The following SGCD variants were observed in gnomAD, a reference collection of about 807,000 sequenced individuals.
SGCD encodes the protein delta-sarcoglycan.
A neutral mutation model predicts 36.6 loss-of-function variants in SGCD; 18 were observed. That is an observed-to-expected ratio of 0.49 (90% CI 0.34 to 0.73). The LOEUF is 0.73. Among genes scored for constraint, SGCD ranks in the 30% least tolerant of loss-of-function variants. SGCD has a pLI of 0.01. For missense variants in SGCD, 387 were observed against 346.7 expected (o/e 1.12, Z -0.92); for synonymous variants, 133 against 130.6 (o/e 1.02, Z -0.12).
intron 3 of SGCD, among the ~76,000 whole-genome samples, chr5:156,183,932 A>G (rs1763669243): frequency 6.6e-6 from 1 of 152,196 alleles, no homozygotes; most frequent in South Asian, 2.1e-4. Context: ...AACAGCAAAT[A>G]CAGATGTACC....
At chr5:156,020,273 A>G (rs1279660432) in intron 1 of SGCD, among the ~76,000 whole-genome samples, 1 of 152,196 alleles carries the variant, frequency 6.6e-6, no homozygotes, top group Non-Finnish European at 1.5e-5. Flanking sequence ...TTGTATTTAA[A>G]TGTTTTTATT....
chr5:156,717,045 T>C (rs1018062283), intron 7 of SGCD, among the ~76,000 whole-genome samples: 1 of 152,244 alleles, frequency 6.6e-6, no homozygotes, highest in Non-Finnish European at 1.5e-5. Flanking sequence ...TCTCCTCATG[T>C]GTGAAATTAA....
chr5:156,584,832 A>G (rs1760426692), intron 4 of SGCD, among the ~76,000 whole-genome samples: 1 of 152,090 alleles, frequency 6.6e-6, no homozygotes, highest in Non-Finnish European at 1.5e-5. Flanking sequence ...CCTTTTGAAA[A>G]CTGACAGTTA....
At chr5:156,297,024 CATATAA>C (rs148877422) in intron 3 of SGCD, among the ~76,000 whole-genome samples, 5,284 of 137,476 alleles carry the variant, frequency 0.038, 259 homozygotes, top group African/African-American at 0.15. Flanking sequence ...GTGTGTATAG[CATATAA>C]ATATATATAT....
intron 1 of SGCD, among the ~76,000 whole-genome samples, chr5:155,955,966 G>A (rs918090874): frequency 7.2e-5 from 11 of 152,186 alleles, no homozygotes; most frequent in African/African-American, 2.4e-4. Flanking sequence ...TTGGCGATGA[G>A]CACAAATGTA....
At chr5:156,539,633 T>A (rs253600) in intron 4 of SGCD, among the ~76,000 whole-genome samples, 1 of 151,862 alleles carries the variant, frequency 6.6e-6, no homozygotes, top group Non-Finnish European at 1.5e-5. Flanking sequence ...TGTATATATA[T>A]CATATTTTCT....
In SGCD at chr5:156,759,407, G is replaced by T; in HGVS notation, c.*17G>T. The T allele has an allele frequency of 6.4e-7, 1 of 1,570,922 alleles. No homozygotes were observed. On this transcript the variant is annotated 3_prime_UTR_variant, in exon 9 of 9. Coordinates refer to ENST00000337851, the MANE Select transcript of SGCD (RefSeq NM_000337.6). ...TGCCTCTGAAAGACTATCCATAGTG[G>T]ACATTGTTGGCAGCATAAAGGCCTT...
intron 6 of SGCD, among the ~76,000 whole-genome samples, chr5:156,613,487 T>C (rs1761906686): frequency 6.6e-6 from 1 of 152,224 alleles, no homozygotes; most frequent in Non-Finnish European, 1.5e-5. Flanking sequence ...CTGTCATATG[T>C]ATTCTCCAGT....
At chr5:156,293,007 T>C (rs138063229) in intron 3 of SGCD, among the ~76,000 whole-genome samples, 5 of 152,250 alleles carry the variant, frequency 3.3e-5, no homozygotes, top group African/African-American at 1.2e-4. Context: ...ATATTAATCC[T>C]TTATCAGAAA....
intron 3 of SGCD, among the ~76,000 whole-genome samples, chr5:156,259,670 CCCA>C (rs1345223516): frequency 1.3e-5 from 2 of 152,032 alleles, no homozygotes; most frequent in Non-Finnish European, 2.9e-5. Context: ...GAATATGTCC[CCCA>C]CATTTCTTGT....
At chr5:156,318,132 C>T (rs1223609231) in intron 3 of SGCD, among the ~76,000 whole-genome samples, 2 of 152,102 alleles carry the variant, frequency 1.3e-5, no homozygotes, top group African/African-American at 4.8e-5. Flanking sequence ...CACACATTAA[C>T]CAACTTCATG....
At chr5:156,736,745 G>A (rs1292164893) in intron 7 of SGCD, among the ~76,000 whole-genome samples, 2 of 152,126 alleles carry the variant, frequency 1.3e-5, no homozygotes, top group African/African-American at 2.4e-5. Context: ...TTGAGAACTC[G>A]CGGGACCATA....
At chr5:155,750,812 T>C in the SGCD span, among the ~76,000 whole-genome samples, 2 of 152,154 alleles carry the variant, frequency 1.3e-5, no homozygotes, top group Non-Finnish European at 2.9e-5. Flanking sequence ...TGTAGGTTTG[T>C]TTTAATTCAT....
At chr5:156,463,982 G>A (rs138995607) in intron 3 of SGCD, among the ~76,000 whole-genome samples, 35 of 152,180 alleles carry the variant, frequency 2.3e-4, no homozygotes, top group Non-Finnish European at 3.7e-4. Context: ...AAACAAAGCT[G>A]CTCAGCTAAT....
chr5:156,677,112 A>T (rs971684632), intron 7 of SGCD, among the ~76,000 whole-genome samples: 1 of 152,246 alleles, frequency 6.6e-6, no homozygotes, highest in African/African-American at 2.4e-5. Context: ...TCAAAGACTT[A>T]TAGAGCTTCA....
intron 1 of SGCD, among the ~76,000 whole-genome samples, chr5:155,890,238 G>C (rs1580973740): frequency 6.6e-6 from 1 of 152,282 alleles, no homozygotes; most frequent in East Asian, 1.9e-4. Flanking sequence ...CAAGTTATTG[G>C]TGTAGATTGT....
At chr5:156,131,216 C>T (rs766952135) in intron 3 of SGCD, among the ~76,000 whole-genome samples, 7 of 151,970 alleles carry the variant, frequency 4.6e-5, no homozygotes, top group Non-Finnish European at 7.4e-5. Context: ...TTTAGAAAAC[C>T]CCATATGACT....
intron 3 of SGCD, among the ~76,000 whole-genome samples, chr5:156,357,500 A>C (rs1769552192): frequency 6.6e-6 from 1 of 152,206 alleles, no homozygotes; most frequent in Non-Finnish European, 1.5e-5. Flanking sequence ...GTCAATGAGG[A>C]ATGGGCATTT....
intron 3 of SGCD, among the ~76,000 whole-genome samples, chr5:156,161,175 A>C (rs1339445070): frequency 6.6e-6 from 1 of 151,734 alleles, no homozygotes; most frequent in Non-Finnish European, 1.5e-5. Flanking sequence ...GAATCAATGC[A>C]CGAACATATC....
Sources: gnomAD v4.1 joint callset for allele counts (sites outside exome capture counted in the v4.1 genomes callset) on GRCh38, gnomAD v4.1.1 for gene constraint, MANE v1.5 for transcripts, NCBI Gene and HGNC (gene_info 2026-07-23, HGNC 2026-07-21) for gene names.